The following IKBIP variants were observed in gnomAD, a reference collection of about 807,000 sequenced individuals.
IKBIP encodes IKBKB interacting protein, also known as inhibitor of nuclear factor kappa-B kinase-interacting protein.
IKBIP carries 28 observed loss-of-function variants against 31.0 expected under a neutral mutation model. That is an observed-to-expected ratio of 0.90 (90% CI 0.67 to 1.24). The LOEUF (loss-of-function observed/expected upper bound fraction) is 1.24, where lower values mean the gene tolerates loss of function less well. Ranked by LOEUF, IKBIP falls within the 50% of genes most tolerant of loss-of-function variation. IKBIP has a pLI of 0.00. For missense variants in IKBIP, 453 were observed against 441.9 expected (o/e 1.03, Z -0.23); for synonymous variants, 164 against 160.3 (o/e 1.02, Z -0.17).
rs561408625 is a variant in IKBIP, at chr12:98,614,276, C to A, written c.362G>T (p.Arg121Leu). The change falls in exon 3 of 3, where the codon CGT becomes CTT. Residue 121 changes from arginine to leucine, a missense_variant. Transcript: ENST00000342502. ...TACCTCATTAATTTCTTCCTGTAGA[C>A]GCTTTAGATGAGCAATTATTTGAAA... 47 of 1,608,066 alleles carry A rather than the reference C, an allele frequency of 2.9e-5. No individual in the cohort carries two copies. Among genetic ancestry groups the A allele is most frequent in the Non-Finnish European group, 3.9e-5 (46 of 1,176,538 alleles).
chr12:98,641,274 C>T (rs958312572), intron 1 of IKBIP, among the ~76,000 whole-genome samples: 1 of 152,048 alleles, frequency 6.6e-6, no homozygotes, highest in Non-Finnish European at 1.5e-5. Flanking sequence ...TTTAAGAGTA[C>T]ACAGACAGGC....
chr12:98,640,142 T>C (rs2097629139), intron 1 of IKBIP, among the ~76,000 whole-genome samples: 1 of 152,194 alleles, frequency 6.6e-6, no homozygotes, highest in East Asian at 1.9e-4. Flanking sequence ...AAAACTTTTA[T>C]AAAGGCAATT....
rs1408174712 is a variant in IKBIP at position 98,624,440 on chromosome 12, C to G, written c.*1490G>C. 1 of 985,136 alleles carries G rather than the reference C, an allele frequency of 1.0e-6. No individual in the cohort carries two copies. The highest frequency in any genetic ancestry group is 1.2e-6 in the Non-Finnish European group (1 of 829,776). 61.0% of individuals were successfully genotyped at this position (985,136 alleles called of 1,614,324 possible). ...TTCACGCTGTCTACCACAGGCCCTCCTAACTCCAGTGGAGAAGGAGTTTGG... is the reference window on the plus strand; with the variant it reads ...TTCACGCTGTCTACCACAGGCCCTCGTAACTCCAGTGGAGAAGGAGTTTGG... On this transcript the variant is annotated 3_prime_UTR_variant, in exon 3 of 3. Transcript: ENST00000299157.
rs1232197714 is a variant in IKBIP, at chr12:98,638,921, A to G, written c.180-4508T>C. ...CTTGGCCTCCTAAAATGCTGGGATT[A>G]TAAGTGTGAGCCACCATGCCTGGCC... On this transcript the variant is annotated intron_variant, in intron 1 of 2. Coordinates refer to ENST00000299157, the MANE Select transcript of IKBIP (RefSeq NM_153687.4). Among the ~76,000 whole-genome samples the G allele has an allele frequency of 1.6e-4, 25 of 152,246 alleles. 1 individual carries two copies. Among genetic ancestry groups the G allele is most frequent in the Admixed American group, 1.6e-3 (24 of 15,288 alleles).
chr12:98,630,922 T>TC (rs1475504714), intron 2 of IKBIP, among the ~76,000 whole-genome samples: 2 of 88,896 alleles, frequency 2.2e-5, no homozygotes, highest in Non-Finnish European at 4.1e-5. Flanking sequence ...ACTGAATATT[T>TC]CTTTTTTTTC....
At chr12:98,616,960 C>T (rs2097606619) in intron 2 of IKBIP, among the ~76,000 whole-genome samples, 1 of 152,026 alleles carries the variant, frequency 6.6e-6, no homozygotes, top group Admixed American at 6.6e-5. Flanking sequence ...TTTGGCTATT[C>T]GGGGTCTAAG....
chr12:98,641,242 T>G (rs938955355), intron 1 of IKBIP, among the ~76,000 whole-genome samples: 2 of 152,100 alleles, frequency 1.3e-5, no homozygotes, highest in African/African-American at 4.8e-5. Context: ...CTTAATCAGA[T>G]GAAGAGTGAG....
chr12:98,625,201 T>G lies in IKBIP; in HGVS notation c.*729A>C, dbSNP rs1005412580. 5.1e-6 allele frequency: 5 copies of G among 981,084 alleles called. No individual in the cohort carries two copies. The highest frequency in any genetic ancestry group is 1.2e-4 in the Admixed American group (2 of 16,252). 60.8% of individuals were successfully genotyped at this position (981,084 alleles called of 1,614,324 possible). The stretch of plus-strand genomic sequence containing the variant: ...GGTATATAAAGATATTTCAAAGATT[T>G]ATATACACATAATTCCTAAGAAAGG... On this transcript the variant is annotated 3_prime_UTR_variant, in exon 3 of 3. Coordinates refer to ENST00000299157, the MANE Select transcript of IKBIP (RefSeq NM_153687.4).
chr12:98,626,092 G>C lies in IKBIP; in HGVS notation c.972C>G (p.Thr324=). The change falls in exon 3 of 3, where the codon ACC becomes ACG. Residue 324 remains threonine, a synonymous_variant. Coordinates refer to ENST00000299157, the MANE Select transcript of IKBIP (RefSeq NM_153687.4). The part of the protein sequence containing the change: ...AVSEIMEMQK[T]LEGIQYDNSI... ...TATTATCATACTGAATTCCTTCAAG[G>C]GTTTTCTGCATCTCCATTATTTCAG... 1 of 1,600,984 alleles carries C rather than the reference G, an allele frequency of 6.2e-7. No homozygotes were observed.
downstream of IKBIP, among the ~76,000 whole-genome samples, chr12:98,621,058 G>A (rs1159944050): frequency 6.6e-6 from 1 of 152,102 alleles, no homozygotes; most frequent in Non-Finnish European, 1.5e-5. Flanking sequence ...GACCAGCCTA[G>A]CCAACCTGGT....
chr12:98,632,480 T>C (rs866700044), intron 2 of IKBIP, among the ~76,000 whole-genome samples: 21 of 25,308 alleles, frequency 8.3e-4, no homozygotes, highest in African/African-American at 3.6e-3. Context: ...AGAGACTCTA[T>C]CTGAAAAAAA....
chr12:98,614,048 T>C (rs1373858787), exon 3 of IKBIP: 1 of 1,611,406 alleles, frequency 6.2e-7, no homozygotes, highest in East Asian at 2.2e-5. Context: ...TTCTAGTTCT[T>C]GCACAGAATC....
chr12:98,629,980 C>T (rs530632522), intron 2 of IKBIP, among the ~76,000 whole-genome samples: 43 of 152,210 alleles, frequency 2.8e-4, no homozygotes, highest in African/African-American at 9.1e-4. Context: ...ACCATGTTGC[C>T]TGGGCTGGTC....
chr12:98,639,081 T>C (rs906391405), intron 1 of IKBIP, among the ~76,000 whole-genome samples: 1 of 152,060 alleles, frequency 6.6e-6, no homozygotes, highest in Admixed American at 6.6e-5. Flanking sequence ...CACTCTGTTG[T>C]CCAGGCTGAA....
chr12:98,642,032 A>G (rs973975910), intron 1 of IKBIP, among the ~76,000 whole-genome samples: 21 of 152,214 alleles, frequency 1.4e-4, no homozygotes, highest in Non-Finnish European at 2.2e-4. Flanking sequence ...AATGAATGTA[A>G]TACATTCATT....
At chr12:98,644,436 A>G (rs1593004937) in intron 1 of IKBIP, 87 bp downstream of exon 1, 1 of 1,321,198 alleles carries the variant, frequency 7.6e-7, no homozygotes. Context: ...AGGTTGGATC[A>G]CCTCCGGCTG....
At position 98,626,397 on chromosome 12, in the gene IKBIP, C is replaced by A. The variant is rs556701306; in HGVS notation, c.667G>T (p.Asp223Tyr). ...IRTVKRQEEE[D>Y]LLRVEEQLGS... ...AGCTGCTCCTCTACTCGCAGGAGAT[C>A]TTCTTCTTCTTGTCTTTTTACTGTT... is the stretch of plus-strand genomic sequence containing the variant. Residue 223 changes from aspartate (D) to tyrosine (Y), a missense_variant, in exon 3 of 3, where the codon GAT becomes TAT. Coordinates refer to ENST00000299157, the MANE Select transcript of IKBIP (RefSeq NM_153687.4). 6.2e-7 allele frequency: 1 copy of A among 1,607,618 alleles called. No homozygotes were observed. The highest frequency in any genetic ancestry group is 8.5e-7 in the Non-Finnish European group (1 of 1,174,828).
At chr12:98,641,659 T>G (rs1229304685) in intron 1 of IKBIP, among the ~76,000 whole-genome samples, 1 of 152,144 alleles carries the variant, frequency 6.6e-6, no homozygotes, top group Non-Finnish European at 1.5e-5. Context: ...ACACATATAA[T>G]ACATACATTT....
intron 1 of IKBIP, among the ~76,000 whole-genome samples, chr12:98,643,752 T>G (rs914766587): frequency 1.3e-5 from 2 of 152,204 alleles, no homozygotes; most frequent in Non-Finnish European, 2.9e-5. Context: ...GATCAAAATA[T>G]GAGCACTCCT....
Sources: gnomAD v4.1 joint callset for allele counts (sites outside exome capture counted in the v4.1 genomes callset) on GRCh38, gnomAD v4.1.1 for gene constraint, MANE v1.5 for transcripts, NCBI Gene and HGNC (gene_info 2026-07-23, HGNC 2026-07-21) for gene names.